Variants in CDH23 observed in about 807,000 individuals in gnomAD.
CDH23 encodes cadherin-23.
CDH23 carries 189 observed loss-of-function variants against 317.1 expected under a neutral mutation model. The observed-to-expected ratio is 0.60, with a 90% CI of 0.53 to 0.67. CDH23 has a LOEUF of 0.67. CDH23 is among the 30% of genes least tolerant of loss of function. The pLI is 0.00. For missense variants in CDH23, 4,401 were observed against 4,592.4 expected, an observed-to-expected ratio of 0.96 and a Z score of 1.20; for synonymous variants, 1,839 against 1,876.8, an observed-to-expected ratio of 0.98 and a Z score of 0.52.
At chr10:71,458,401 A>G (rs2132053585) in intron 3 of CDH23, among the ~76,000 whole-genome samples, 1 of 152,344 alleles carries the variant, frequency 6.6e-6, no homozygotes, top group Non-Finnish European at 1.5e-5. Flanking sequence ...CAGCTCTGCC[A>G]CTTATTAGCG....
chr10:71,774,019 G>A lies in CDH23; in HGVS notation c.4846-3661G>A, dbSNP rs568659092. Among the ~76,000 whole-genome samples the A allele has an allele frequency of 4.0e-5, 6 of 151,122 alleles. No individual in the cohort carries two copies. The East Asian group carries it at 1.2e-3, about 30-fold the overall frequency. On this transcript the variant is annotated intron_variant, in intron 38 of 69. Coordinates refer to ENST00000224721, the MANE Select transcript of CDH23 (RefSeq NM_022124.6). ...TGGAGCCAGTTTAACTGTAGATTCA[G>A]AGCCTGAGGCACCCTGAGTGCATGC...
chr10:71,483,673 GC>G (rs1852189131), intron 3 of CDH23, among the ~76,000 whole-genome samples: 2 of 152,234 alleles, frequency 1.3e-5, no homozygotes, highest in African/African-American at 4.8e-5. Context: ...CCTGGGCTCA[GC>G]CTTTTAGGTG....
chr10:71,806,250 A>T lies in CDH23; in HGVS notation c.8147A>T (p.Asp2716Val). 1.3e-6 allele frequency: 2 copies of T among 1,569,952 alleles called. No individual in the cohort carries two copies. Among genetic ancestry groups the T allele is most frequent in the Non-Finnish European group, 1.7e-6 (2 of 1,157,716 alleles). ...QPLQVALEDIDDNEPLFVRPP... is the reference protein window; with the variant it reads ...QPLQVALEDIVDNEPLFVRPP... ...CTGCAGGTGGCCCTGGAGGACATCG[A>T]TGACAACGAACCCCTTTTCGTGAGG... The change falls in exon 57 of 70, where the codon GAT becomes GTT. Residue 2716 changes from aspartate to valine, a missense_variant. By Grantham distance (152) the Asp-to-Val change is radical. Coordinates refer to ENST00000224721, the MANE Select transcript of CDH23 (RefSeq NM_022124.6).
At chr10:71,814,916 T>G (rs774489055) in intron 69 of CDH23, 36 bp from the exon 70 acceptor site, 3 of 1,565,564 alleles carry the variant, frequency 1.9e-6, no homozygotes, top group Non-Finnish European at 2.6e-6. Context: ...CCCTTGGGCA[T>G]GGCCCTGAGC....
At chr10:71,553,025 T>C (rs1437088804) in intron 6 of CDH23, among the ~76,000 whole-genome samples, 1 of 152,208 alleles carries the variant, frequency 6.6e-6, no homozygotes, top group Non-Finnish European at 1.5e-5. Flanking sequence ...ACAGGGTTCC[T>C]GGGCTAGGGC....
rs748338206 is a variant in CDH23 at position 71,425,232 on chromosome 10, G to GGAGAGAGAGAGAGAGA, written c.-5-14573_-5-14558dup. 2.4e-4 allele frequency among the ~76,000 whole-genome samples: 18 copies of GGAGAGAGAGAGAGAGA among 73,962 alleles called. 1 individual carries two copies. Among genetic ancestry groups the GGAGAGAGAGAGAGAGA allele is most frequent in the African/African-American group, 8.4e-4 (18 of 21,552 alleles). 48.5% of individuals were successfully genotyped at this position (73,962 alleles called of 152,430 possible). ...ATCACAGTGGGGCAGAGAGAGAGAG[G>GGAGAGAGAGAGAGAGA]GAGAGAGAGAGAGAGAGAGAGAGAG... is the stretch of plus-strand genomic sequence containing the variant. On this transcript the variant is annotated intron_variant, in intron 1 of 69. Transcript: ENST00000224721.
At chr10:71,716,405 G>A (rs942430932) in intron 28 of CDH23, 1 of 1,354,074 alleles carries the variant, frequency 7.4e-7, no homozygotes. Flanking sequence ...AGCGGGTATA[G>A]GGAAGACTTA....
intron 69 of CDH23, among the ~76,000 whole-genome samples, chr10:71,814,026 G>A (rs1842036245): frequency 6.6e-6 from 1 of 152,198 alleles, no homozygotes; most frequent in Admixed American, 6.5e-5. Context: ...ATCTCCAGCT[G>A]GGCCCATATT....
At chr10:71,609,619 G>A (rs571074261) in intron 9 of CDH23, among the ~76,000 whole-genome samples, 8 of 152,292 alleles carry the variant, frequency 5.3e-5, no homozygotes, top group East Asian at 3.9e-4. Context: ...TGGGCACCCG[G>A]CACTAGGCTG....
intron 3 of CDH23, among the ~76,000 whole-genome samples, chr10:71,468,185 G>A (rs569958290): frequency 1.3e-5 from 2 of 152,270 alleles, no homozygotes; most frequent in African/African-American, 2.4e-5. Context: ...CCAAGCCCTG[G>A]AGCTGCCAAA....
Position 71,788,986 on chromosome 10 carries a change from AC to A in CDH23, c.5872del (p.Leu1958SerfsTer11). ...LIFLSDENDN[H>X]PLFTKSTYQA... ...TTCCTTTCTGATGAGAATGACAACCACCCCCTCTTCACTAAAAGCACCTACC... is the reference window on the plus strand; with the variant it reads ...TTCCTTTCTGATGAGAATGACAACCACCCCTCTTCACTAAAAGCACCTACC... On this transcript the variant is annotated frameshift_variant, in exon 45 of 70. Coordinates refer to ENST00000224721, the MANE Select transcript of CDH23 (RefSeq NM_022124.6). LOFTEE classifies it high-confidence loss of function. 6.2e-7 allele frequency: 1 copy of A among 1,602,236 alleles called. No homozygotes were observed.
In CDH23 at chr10:71,398,677, A is replaced by G. The variant is rs1327893708; in HGVS notation, c.-6+1359A>G. ...CAGCACCTACAGGGGTGGGGGCACT[A>G]GATGTTACTCTGCCAAGGAGGAGCT... On this transcript the variant is annotated intron_variant, in intron 1 of 69. Coordinates refer to ENST00000224721, the MANE Select transcript of CDH23 (RefSeq NM_022124.6). 8.5e-5 allele frequency among the ~76,000 whole-genome samples: 13 copies of G among 152,094 alleles called. No homozygotes were observed. In the East Asian group the frequency reaches 2.3e-3, roughly 27 times the overall value.
chr10:71,666,817 C>T (rs918984306), intron 14 of CDH23, among the ~76,000 whole-genome samples: 2 of 152,140 alleles, frequency 1.3e-5, no homozygotes, highest in African/African-American at 4.8e-5. Flanking sequence ...CCACTCCAAC[C>T]CCCCAGAGCT....
rs775117732 is a variant in CDH23, at chr10:71,810,553, A to G, written c.9061A>G (p.Ile3021Val). Residue 3021 changes from isoleucine to valine, a missense_variant, in exon 62 of 70, where the codon ATC (isoleucine) becomes GTC (valine). Around this residue, in one of 3 missense-constraint regions of CDH23, gnomAD observed 1,144 missense variants for 1,138.2 expected, o/e 1.01. Transcript: ENST00000224721. Reference protein sequence around the residue: ...IHVVNRDTNRILDVDRVIQMI... With the variant: ...IHVVNRDTNRVLDVDRVIQMI... The stretch of plus-strand genomic sequence containing the variant: ...CGTGGTGAACCGCGATACCAACCGC[A>G]TCCTGGACGTGGACCGGTGAGTCGG... 4 of 1,613,960 alleles carry G rather than the reference A, an allele frequency of 2.5e-6. No homozygotes were observed. The highest frequency in any genetic ancestry group is 2.5e-6 in the Non-Finnish European group (3 of 1,179,846).
At chr10:71,747,723 T>C (rs1839886492) in intron 38 of CDH23, 1 of 152,234 alleles carries the variant, frequency 6.6e-6, no homozygotes, top group Non-Finnish European at 1.5e-5. Context: ...AAGCACCAAG[T>C]ATTCTAACAG....
intron 8 of CDH23, among the ~76,000 whole-genome samples, chr10:71,576,766 C>T (rs1424950508): frequency 6.6e-6 from 1 of 152,204 alleles, no homozygotes; most frequent in Middle Eastern, 3.2e-3. Context: ...AAGGCTGCCC[C>T]AGGCAAGGGG....
intron 14 of CDH23, among the ~76,000 whole-genome samples, chr10:71,657,693 T>C (rs1863475795): frequency 6.6e-6 from 1 of 151,862 alleles, no homozygotes; most frequent in Non-Finnish European, 1.5e-5. Flanking sequence ...TCCAGCGCAT[T>C]CCCCAGCACC....
At chr10:71,619,976 A>G (rs1185782428) in intron 11 of CDH23, among the ~76,000 whole-genome samples, 1 of 152,240 alleles carries the variant, frequency 6.6e-6, no homozygotes, top group Non-Finnish European at 1.5e-5. Flanking sequence ...AAGAGAATGC[A>G]TCCATCAGCT....
At chr10:71,513,002 C>A (rs1854079646) in intron 6 of CDH23, among the ~76,000 whole-genome samples, 1 of 152,148 alleles carries the variant, frequency 6.6e-6, no homozygotes, top group Non-Finnish European at 1.5e-5. Context: ...CATGTCACTT[C>A]ACCTCTCTGT....
Sources: allele counts gnomAD v4.1 joint callset (sites outside exome capture counted in the v4.1 genomes callset), GRCh38; gene constraint gnomAD v4.1.1; regional missense constraint gnomAD v4.1.1; transcripts MANE v1.5; gene names NCBI Gene and HGNC (gene_info 2026-07-23, HGNC 2026-07-21).